ADAMTSL3: variants seen among roughly 807,000 people sequenced by gnomAD.
ADAMTSL3 encodes the protein ADAMTS like 3.
Under a neutral mutation model 201.7 loss-of-function variants are expected in ADAMTSL3, and 128 were observed. The observed-to-expected ratio is 0.63, with a 90% confidence interval of 0.55 to 0.73. The LOEUF is 0.73. Among genes scored for constraint, ADAMTSL3 ranks in the 30% least tolerant of loss-of-function variants. ADAMTSL3 has a pLI of 0.00. For synonymous variants in ADAMTSL3, 738 were observed against 748.4 expected (o/e 0.99, Z 0.23); for missense variants, 1,990 against 2,119.6 (o/e 0.94, Z 1.20).
chr15:83,817,448 A>G (rs939228900), intron 5 of ADAMTSL3, among the ~76,000 whole-genome samples: 1 of 152,222 alleles, frequency 6.6e-6, no homozygotes, highest in African/African-American at 2.4e-5. Context: ...CTCAGAGCAG[A>G]GTGGGAAAAC....
chr15:84,031,207 C>T, intron 27 of ADAMTSL3, 128 bp from the exon 28 acceptor site: 6 of 872,580 alleles, frequency 6.9e-6, no homozygotes, highest in Admixed American at 3.7e-5. Context: ...TTAACTCCCC[C>T]CTGGGGACAG....
At chr15:83,781,297 A>G (rs564784033) in intron 4 of ADAMTSL3, among the ~76,000 whole-genome samples, 1 of 152,308 alleles carries the variant, frequency 6.6e-6, no homozygotes, top group East Asian at 1.9e-4. Flanking sequence ...GAAAACCTAG[A>G]AATAAGGCCA....
rs150908667 is a variant in ADAMTSL3, at chr15:83,906,172, G to A, written c.1700+6441G>A. The stretch of plus-strand genomic sequence containing the variant: ...TACTTTTTTCTATTAAACTGTGCAA[G>A]TACTCTGTAATTGTTATTCCTTTTA... On this transcript the variant is annotated intron_variant, in intron 15 of 29. Coordinates refer to ENST00000286744, the MANE Select transcript of ADAMTSL3 (RefSeq NM_207517.3). Among the ~76,000 whole-genome samples the A allele has an allele frequency of 6.0e-3, 917 of 152,230 alleles. 9 individuals are homozygous for A. The highest frequency in any genetic ancestry group is 0.021 in the African/African-American group (863 of 41,530).
chr15:83,786,176 C>T (rs900861404), intron 4 of ADAMTSL3, among the ~76,000 whole-genome samples: 8 of 152,058 alleles, frequency 5.3e-5, no homozygotes, highest in African/African-American at 1.9e-4. Context: ...GGAGTTTCAC[C>T]ATGTTGACCA....
intron 3 of ADAMTSL3, among the ~76,000 whole-genome samples, chr15:83,731,443 A>G (rs1181749631): frequency 6.6e-6 from 1 of 152,092 alleles, no homozygotes; most frequent in Non-Finnish European, 1.5e-5. Context: ...AGGAACTCTT[A>G]TATGCTGTTG....
chr15:83,948,312 A>G (rs1389176664), intron 19 of ADAMTSL3, among the ~76,000 whole-genome samples: 2 of 151,846 alleles, frequency 1.3e-5, no homozygotes, highest in African/African-American at 2.4e-5. Flanking sequence ...CCATGATGGG[A>G]GTATTTACAC....
intron 17 of ADAMTSL3, among the ~76,000 whole-genome samples, chr15:83,941,057 T>A (rs2066548761): frequency 6.6e-6 from 1 of 151,952 alleles, no homozygotes. Context: ...AGCAAAGTAT[T>A]TTAAATATTT....
At chr15:83,841,196 T>C (rs958212650) in intron 7 of ADAMTSL3, among the ~76,000 whole-genome samples, 3 of 152,256 alleles carry the variant, frequency 2.0e-5, no homozygotes, top group Non-Finnish European at 4.4e-5. Context: ...TCAAATGCTT[T>C]ATAATTCCCA....
chr15:83,657,276 G>A (rs894054668), intron 2 of ADAMTSL3, among the ~76,000 whole-genome samples: 4 of 152,176 alleles, frequency 2.6e-5, no homozygotes, highest in Admixed American at 6.5e-5. Context: ...GAGGCAGTCT[G>A]TTGACCTTTG....
chr15:83,849,171 A>G (rs991150276), intron 7 of ADAMTSL3, among the ~76,000 whole-genome samples: 1 of 152,148 alleles, frequency 6.6e-6, no homozygotes, highest in African/African-American at 2.4e-5. Flanking sequence ...ACGGTCGCCT[A>G]GGCTGAATGC....
chr15:83,914,634 GT>G (rs2065995759), intron 16 of ADAMTSL3, among the ~76,000 whole-genome samples: 1 of 152,070 alleles, frequency 6.6e-6, no homozygotes. Flanking sequence ...CTTCTGTCTG[GT>G]TGCTAAAAGT....
At chr15:84,017,339 G>T (rs1446775495) in intron 25 of ADAMTSL3, among the ~76,000 whole-genome samples, 4 of 152,116 alleles carry the variant, frequency 2.6e-5, no homozygotes, top group Non-Finnish European at 4.4e-5. Context: ...GGATGATCTC[G>T]ATCTCCTGAC....
At chr15:83,814,296 C>T (rs1026333764) in intron 5 of ADAMTSL3, among the ~76,000 whole-genome samples, 4 of 152,174 alleles carry the variant, frequency 2.6e-5, no homozygotes, top group East Asian at 1.9e-4. Context: ...GGCCATCTTG[C>T]GATTATACTG....
intron 2 of ADAMTSL3, among the ~76,000 whole-genome samples, chr15:83,665,074 C>G (rs1007233425): frequency 3.3e-5 from 5 of 152,158 alleles, no homozygotes; most frequent in African/African-American, 1.2e-4. Context: ...GAGACCTCTT[C>G]TAGGCGGGCA....
intron 2 of ADAMTSL3, among the ~76,000 whole-genome samples, chr15:83,686,444 T>C (rs1166667840): frequency 2.0e-5 from 3 of 152,250 alleles, no homozygotes; most frequent in Non-Finnish European, 4.4e-5. Context: ...TCTTGGATTA[T>C]GCACAACATT....
chr15:83,846,169 T>G (rs952888263), intron 7 of ADAMTSL3, among the ~76,000 whole-genome samples: 2 of 152,246 alleles, frequency 1.3e-5, no homozygotes, highest in African/African-American at 4.8e-5. Flanking sequence ...GTAAAAATAC[T>G]TATTGGGAAA....
intron 9 of ADAMTSL3, among the ~76,000 whole-genome samples, chr15:83,880,153 T>G (rs1193321624): frequency 6.6e-6 from 1 of 152,106 alleles, no homozygotes; most frequent in Non-Finnish European, 1.5e-5. Flanking sequence ...GTCTCATGAA[T>G]CTGTGGCTTG....
intron 15 of ADAMTSL3, among the ~76,000 whole-genome samples, chr15:83,907,566 A>ATTTT (rs910216984): frequency 1.3e-5 from 2 of 151,174 alleles, no homozygotes; most frequent in African/African-American, 4.9e-5. Flanking sequence ...TACCTGGCTA[A>ATTTT]TTTTTTTTTG....
intron 19 of ADAMTSL3, among the ~76,000 whole-genome samples, chr15:83,947,680 A>G (rs762988645): frequency 6.6e-6 from 1 of 151,468 alleles, no homozygotes; most frequent in Non-Finnish European, 1.5e-5. Context: ...TATTTTTTCT[A>G]CTTATCTGAC....
Sources: allele counts gnomAD v4.1 joint callset (sites outside exome capture counted in the v4.1 genomes callset), GRCh38; gene constraint gnomAD v4.1.1; transcripts MANE v1.5; gene names NCBI Gene and HGNC (gene_info 2026-07-23, HGNC 2026-07-21).